The following USP34 variants were observed in gnomAD, a reference collection of about 807,000 sequenced individuals.
USP34 encodes ubiquitin carboxyl-terminal hydrolase 34.
In USP34, 70 loss-of-function variants were observed where a neutral mutation model predicts 460.3. The ratio of observed to expected loss-of-function variants is 0.15; its 90% CI spans 0.13 to 0.19. The LOEUF (loss-of-function observed/expected upper bound fraction) is 0.19, where lower values mean the gene tolerates loss of function less well. Ranked by LOEUF, USP34 falls within the 10% of genes least tolerant of loss-of-function variation. The pLI, the probability that USP34 is intolerant of heterozygous loss-of-function variation, is 1.00. For synonymous variants in USP34, 1,647 were observed against 1,405.3 expected (o/e 1.17, Z -3.85); for missense variants, 3,985 against 4,236.2 (o/e 0.94, Z 1.65).
chr2:61,265,783 AG>A, intron 42 of USP34, 200 bp downstream of exon 42: 1 of 701,814 alleles, frequency 1.4e-6, no homozygotes, highest in Non-Finnish European at 2.0e-6. Flanking sequence ...TTACTTTTAC[AG>A]AAAAAGCCGA....
intron 27 of USP34, among the ~76,000 whole-genome samples, chr2:61,309,488 T>C (rs547323184): frequency 7.2e-5 from 11 of 152,290 alleles, no homozygotes; most frequent in African/African-American, 2.6e-4. Context: ...GAAAAATGCA[T>C]TGAGGGTTAT....
chr2:61,201,493 G>A (rs567514777), intron 75 of USP34, among the ~76,000 whole-genome samples: 4 of 152,214 alleles, frequency 2.6e-5, no homozygotes, highest in South Asian at 2.1e-4. Flanking sequence ...GATTACAAGC[G>A]TGAGCCACCA....
At chr2:61,460,484 T>G (rs1695566186) in intron 1 of USP34, among the ~76,000 whole-genome samples, 3 of 152,070 alleles carry the variant, frequency 2.0e-5, no homozygotes, top group Non-Finnish European at 4.4e-5. Flanking sequence ...TACTAGTAAT[T>G]CAGATATGCC....
chr2:61,303,543 G>A (rs994747041), intron 27 of USP34, among the ~76,000 whole-genome samples: 5 of 152,032 alleles, frequency 3.3e-5, no homozygotes, highest in Non-Finnish European at 4.4e-5. Context: ...TGCTTATGAA[G>A]CAGCGTATTC....
At chr2:61,330,389 G>A (rs530519509) in intron 20 of USP34, among the ~76,000 whole-genome samples, 1 of 152,272 alleles carries the variant, frequency 6.6e-6, no homozygotes, top group Admixed American at 6.5e-5. Context: ...CAAGTGGGAG[G>A]ATAGCTGCAC....
At chr2:61,235,306 AG>A (rs1231049764) in intron 57 of USP34, among the ~76,000 whole-genome samples, 1 of 144,824 alleles carries the variant, frequency 6.9e-6, no homozygotes, top group Non-Finnish European at 1.5e-5. Flanking sequence ...TGGTAGATGA[AG>A]GGGGGAAAAA....
chr2:61,197,260 G>A (rs1037934634), intron 75 of USP34, among the ~76,000 whole-genome samples: 3 of 152,172 alleles, frequency 2.0e-5, no homozygotes, highest in African/African-American at 7.2e-5. Flanking sequence ...GACAGAGTGA[G>A]ACTTTGTCTC....
At chr2:61,361,439 A>G (rs1284607858) in intron 10 of USP34, among the ~76,000 whole-genome samples, 1 of 152,202 alleles carries the variant, frequency 6.6e-6, no homozygotes. Flanking sequence ...TACATATTAT[A>G]TATGGCACTG....
At chr2:61,234,636 T>A (rs1688011094) in intron 57 of USP34, among the ~76,000 whole-genome samples, 1 of 152,048 alleles carries the variant, frequency 6.6e-6, no homozygotes, top group Non-Finnish European at 1.5e-5. Context: ...CAGGTTTATT[T>A]TTTATTTTTA....
At chr2:61,444,040 G>C (rs1484764122) in intron 1 of USP34, among the ~76,000 whole-genome samples, 3 of 152,174 alleles carry the variant, frequency 2.0e-5, no homozygotes. Flanking sequence ...GGAGGCGAAA[G>C]CAGGACTGCT....
Position 61,246,347 on chromosome 2 carries a change from G to C in USP34, c.6525C>G (p.Pro2175=). The change falls in exon 50 of 80, where the codon CCC becomes CCG. Residue 2175 remains proline (P), a synonymous_variant. Coordinates refer to ENST00000398571, the MANE Select transcript of USP34 (RefSeq NM_014709.4). ...YYSFIRDIVN[P]HAYKNNKWYL... ...ACCATTTATTGTTTTTATAAGCATG[G>C]GGATTTACTATATCTCTGATAAAGC... The C allele has an allele frequency of 1.3e-6, 2 of 1,576,534 alleles. No individual in the cohort carries two copies. The highest frequency in any genetic ancestry group is 1.7e-6 in the Non-Finnish European group (2 of 1,162,890).
Position 61,189,005 on chromosome 2 carries a change from A to T in USP34, c.9938T>A (p.Ile3313Asn), listed in dbSNP as rs1283231854. 1 of 1,614,088 alleles carries T rather than the reference A, an allele frequency of 6.2e-7. No individual in the cohort carries two copies. Among genetic ancestry groups the T allele is most frequent in the Non-Finnish European group, 8.5e-7 (1 of 1,180,054 alleles). The change falls in exon 79 of 80, where the codon ATT becomes AAT. Residue 3313 changes from isoleucine to asparagine, a missense_variant. This residue lies in a region of USP34 where 506 missense variants were observed against 439.0 expected (regional missense o/e 1.15). Transcript: ENST00000398571. ...HTPKQLNPALIPTLQELLSKC... is the reference protein window; with the variant it reads ...HTPKQLNPALNPTLQELLSKC... ...GCTTAAAAGCTCTTGCAGAGTTGGA[A>T]TTAGAGCTGGGTTTAACTGTTTGGG...
intron 1 of USP34, among the ~76,000 whole-genome samples, chr2:61,440,190 C>T (rs567119531): frequency 6.6e-6 from 1 of 152,228 alleles, no homozygotes; most frequent in South Asian, 2.1e-4. Context: ...TGTGGGGTTG[C>T]GGACATCAGC....
intron 2 of USP34, chr2:61,416,823 G>GT: frequency 5.3e-6 from 2 of 379,126 alleles, no homozygotes; most frequent in South Asian, 1.4e-4. Context: ...TTTTTTTTTG[G>GT]GGGGGGGGAC....
At chr2:61,365,275 A>G (rs941967096) in intron 10 of USP34, among the ~76,000 whole-genome samples, 2 of 148,806 alleles carry the variant, frequency 1.3e-5, no homozygotes, top group African/African-American at 5.0e-5. Context: ...ACACACACAC[A>G]CACACACACA....
chr2:61,315,764 A>G (rs971437878), intron 23 of USP34, among the ~76,000 whole-genome samples: 1 of 152,184 alleles, frequency 6.6e-6, no homozygotes, highest in Non-Finnish European at 1.5e-5. Context: ...GAAGCTTCCA[A>G]AAGTTGGGCA....
chr2:61,324,375 AC>A (rs1403796867), intron 21 of USP34, among the ~76,000 whole-genome samples: 1 of 152,202 alleles, frequency 6.6e-6, no homozygotes, highest in Non-Finnish European at 1.5e-5. Context: ...TGTCTCCATC[AC>A]CCATAAAGCC....
intron 1 of USP34, among the ~76,000 whole-genome samples, chr2:61,452,318 CT>C (rs35104375): frequency 0.019 from 1,695 of 89,968 alleles, 9 homozygotes; most frequent in African/African-American, 0.053. Flanking sequence ...ATTCCCGGCA[CT>C]TTTTTTTTTT....
At chr2:61,349,380 A>C in intron 12 of USP34, 95 bp from the exon 13 acceptor site, 1 of 1,329,370 alleles carries the variant, frequency 7.5e-7, no homozygotes, top group Non-Finnish European at 1.1e-6. Flanking sequence ...AATCAACAAG[A>C]TGTAAGTGGA....
Sources: allele counts gnomAD v4.1 joint callset (sites outside exome capture counted in the v4.1 genomes callset), GRCh38; gene constraint gnomAD v4.1.1; regional missense constraint gnomAD v4.1.1; transcripts MANE v1.5; gene names NCBI Gene and HGNC (gene_info 2026-07-23, HGNC 2026-07-21).